The following KCNQ5 variants were observed in gnomAD, a reference collection of about 807,000 sequenced individuals.
The protein encoded by KCNQ5 is potassium voltage-gated channel subfamily KQT member 5.
In KCNQ5, 30 loss-of-function variants were observed where a neutral mutation model predicts 98.2. That is an observed-to-expected ratio of 0.31 (90% CI 0.23 to 0.41). The LOEUF (loss-of-function observed/expected upper bound fraction) is 0.41, where lower values mean the gene tolerates loss of function less well. KCNQ5 is among the 10% of genes least tolerant of loss of function. KCNQ5 has a pLI of 1.00. For synonymous variants in KCNQ5, 458 were observed against 449.4 expected, an observed-to-expected ratio of 1.02 and a Z score of -0.24; for missense variants, 835 against 1,182.5, an observed-to-expected ratio of 0.71 and a Z score of 4.31.
intron 1 of KCNQ5, among the ~76,000 whole-genome samples, chr6:72,945,754 C>T (rs978843993): frequency 6.6e-6 from 1 of 152,118 alleles, no homozygotes; most frequent in Non-Finnish European, 1.5e-5. Flanking sequence ...TGCTCCCCAC[C>T]TGATATATGT....
intron 6 of KCNQ5, among the ~76,000 whole-genome samples, chr6:73,106,404 G>A (rs1775002706): frequency 6.6e-6 from 1 of 152,130 alleles, no homozygotes. Flanking sequence ...GTTTACTAGG[G>A]CTGCCTTAAC....
In KCNQ5 at chr6:72,641,939, C is replaced by T. The variant is rs552418037; in HGVS notation, c.398+19352C>T. Among the ~76,000 whole-genome samples the T allele has an allele frequency of 3.3e-5, 5 of 151,566 alleles. No individual in the cohort carries two copies. The South Asian group carries it at 6.3e-4, about 19-fold the overall frequency. On this transcript the variant is annotated intron_variant, in intron 1 of 13. Coordinates refer to ENST00000370398, the MANE Select transcript of KCNQ5 (RefSeq NM_019842.4). ...TTATTTTTATGAACAATTCTCTACG[C>T]CTCATTACTCTCACAATTTTTGAAT...
intron 3 of KCNQ5, chr6:73,043,302 T>C (rs1771802403): frequency 1.1e-5 from 2 of 182,780 alleles, no homozygotes; most frequent in Non-Finnish European, 2.6e-5. Context: ...ATAGTGAATC[T>C]AGTGGAATTC....
chr6:73,191,316 C>T (rs1416106911), intron 12 of KCNQ5, among the ~76,000 whole-genome samples: 1 of 151,372 alleles, frequency 6.6e-6, no homozygotes, highest in Non-Finnish European at 1.5e-5. Flanking sequence ...TCACCTTGCT[C>T]TGGACTAAGA....
chr6:72,896,147 A>T (rs901685858), intron 1 of KCNQ5, among the ~76,000 whole-genome samples: 1 of 152,236 alleles, frequency 6.6e-6, no homozygotes, highest in Non-Finnish European at 1.5e-5. Flanking sequence ...AAAGGAGGTC[A>T]CAATGTAGTT....
chr6:73,049,846 T>C (rs1772137835), intron 3 of KCNQ5, among the ~76,000 whole-genome samples: 1 of 152,134 alleles, frequency 6.6e-6, no homozygotes, highest in South Asian at 2.1e-4. Context: ...ATTCGATTCC[T>C]GTCCCCAAAT....
intron 1 of KCNQ5, among the ~76,000 whole-genome samples, chr6:72,762,021 C>T (rs997520852): frequency 6.6e-6 from 1 of 151,938 alleles, no homozygotes; most frequent in Admixed American, 6.6e-5. Flanking sequence ...TCACAGACAG[C>T]GATCTTATCG....
chr6:72,720,026 A>G (rs1486106530), intron 1 of KCNQ5, among the ~76,000 whole-genome samples: 2 of 152,236 alleles, frequency 1.3e-5, no homozygotes, highest in African/African-American at 4.8e-5. Context: ...AGTCAATGTT[A>G]GACAGGTGAC....
chr6:72,971,990 T>A (rs1767924113), intron 1 of KCNQ5, among the ~76,000 whole-genome samples: 1 of 152,034 alleles, frequency 6.6e-6, no homozygotes, highest in Non-Finnish European at 1.5e-5. Flanking sequence ...AGTATAATTT[T>A]AAAAAAGAGG....
intron 5 of KCNQ5, among the ~76,000 whole-genome samples, chr6:73,083,252 T>C (rs988718831): frequency 6.6e-6 from 1 of 152,198 alleles, no homozygotes; most frequent in African/African-American, 2.4e-5. Flanking sequence ...GGTTTAATTT[T>C]ATATTATTGC....
intron 3 of KCNQ5, among the ~76,000 whole-genome samples, chr6:73,045,705 T>G (rs1041052746): frequency 6.6e-6 from 1 of 152,200 alleles, no homozygotes; most frequent in Admixed American, 6.5e-5. Context: ...AAATTGCAAA[T>G]AGACCTAAGG....
intron 1 of KCNQ5, among the ~76,000 whole-genome samples, chr6:72,997,704 A>G (rs1380908770): frequency 2.0e-5 from 3 of 148,528 alleles, no homozygotes; most frequent in Non-Finnish European, 4.4e-5. Flanking sequence ...AATGGCGTGA[A>G]TCCGGAAGGG....
intron 1 of KCNQ5, among the ~76,000 whole-genome samples, chr6:72,899,976 T>A (rs1316341880): frequency 6.6e-6 from 1 of 151,882 alleles, no homozygotes; most frequent in Non-Finnish European, 1.5e-5. Context: ...CTCCTGAGTA[T>A]CTGGGTGTGC....
At chr6:73,099,295 TA>T (rs1161240518) in intron 5 of KCNQ5, among the ~76,000 whole-genome samples, 3 of 151,480 alleles carry the variant, frequency 2.0e-5, no homozygotes, top group African/African-American at 7.3e-5. Context: ...ATGGCAGGAG[TA>T]AGTCCTTACT....
chr6:72,811,202 T>C (rs1775225467), intron 1 of KCNQ5, among the ~76,000 whole-genome samples: 1 of 152,196 alleles, frequency 6.6e-6, no homozygotes, highest in African/African-American at 2.4e-5. Context: ...CTCCCTGTGC[T>C]GGGTTTGCAG....
chr6:72,845,314 C>T (rs139526872), intron 1 of KCNQ5, among the ~76,000 whole-genome samples: 1 of 152,246 alleles, frequency 6.6e-6, no homozygotes, highest in African/African-American at 2.4e-5. Context: ...GCATCACCAA[C>T]CCATGGGTCA....
At chr6:73,072,524 C>T (rs1423628464) in intron 3 of KCNQ5, among the ~76,000 whole-genome samples, 2 of 152,178 alleles carry the variant, frequency 1.3e-5, no homozygotes, top group Non-Finnish European at 2.9e-5. Flanking sequence ...TTTGGTATTT[C>T]AGTGACTAAC....
At chr6:73,149,588 G>A (rs1443896711) in intron 10 of KCNQ5, among the ~76,000 whole-genome samples, 1 of 152,122 alleles carries the variant, frequency 6.6e-6, no homozygotes, top group Non-Finnish European at 1.5e-5. Context: ...ACGAGGTCAG[G>A]AGTTCAAGAC....
rs777457471 is a variant in KCNQ5, at chr6:73,195,099, A to C, written c.2484A>C (p.Lys828Asn). ...CCATGGTGCCGAAGGACTTGGGCAA[A>C]TCTTTGTCTGTGCAAAACCTGATCA... ...VCPMVPKDLG[K>N]SLSVQNLIRS... Residue 828 changes from lysine to asparagine, a missense_variant, in exon 14 of 14, where the codon AAA becomes AAC. Physicochemically the swap from Lys to Asn is moderately conservative, Grantham distance 94. Around this residue, in one of 10 missense-constraint regions of KCNQ5, gnomAD observed 416 missense variants for 446.9 expected, o/e 0.93. Coordinates refer to ENST00000370398, the MANE Select transcript of KCNQ5 (RefSeq NM_019842.4). 248 of 1,614,104 alleles carry C rather than the reference A, an allele frequency of 1.5e-4. No individual in the cohort carries two copies. Among genetic ancestry groups the C allele is most frequent in the Non-Finnish European group, 2.0e-4 (231 of 1,180,042 alleles).
Sources: allele counts gnomAD v4.1 joint callset (sites outside exome capture counted in the v4.1 genomes callset), GRCh38; gene constraint gnomAD v4.1.1; regional missense constraint gnomAD v4.1.1; transcripts MANE v1.5; gene names NCBI Gene and HGNC (gene_info 2026-07-23, HGNC 2026-07-21).